The following CHRNA1 variants were observed in gnomAD, a reference collection of about 807,000 sequenced individuals.
CHRNA1 encodes the protein acetylcholine receptor subunit alpha.
Under a neutral mutation model 47.1 loss-of-function variants are expected in CHRNA1, and 35 were observed. The observed-to-expected ratio is 0.74, with a 90% CI of 0.57 to 0.99. The LOEUF (loss-of-function observed/expected upper bound fraction) is 0.99, where lower values mean the gene tolerates loss of function less well. Ranked by LOEUF, CHRNA1 falls within the 50% of genes least tolerant of loss-of-function variation. The pLI, the probability that CHRNA1 is intolerant of heterozygous loss-of-function variation, is 0.00. For synonymous variants in CHRNA1, 229 were observed against 223.6 expected, an observed-to-expected ratio of 1.02 and a Z score of -0.22; for missense variants, 506 against 591.1, an observed-to-expected ratio of 0.86 and a Z score of 1.49.
intron 6 of CHRNA1, chr2:174,752,828 TC>T (rs1683884315): frequency 6.5e-6 from 1 of 153,390 alleles, no homozygotes; most frequent in Non-Finnish European, 1.5e-5. Context: ...GTAGCATCTT[TC>T]TTTTTTTCAA....
Position 174,757,646 on chromosome 2 carries a change from A to C in CHRNA1, c.264T>G (p.Asn88Lys). 1.2e-6 allele frequency: 2 copies of C among 1,614,160 alleles called. No homozygotes were observed. Among genetic ancestry groups the C allele is most frequent in the Non-Finnish European group, 1.7e-6 (2 of 1,180,008 alleles). ...TTTTCACACCGCCATAGTCATCTGG[A>C]TTCCATTTTAGGTTGTAATCCACCC... ...QQWVDYNLKW[N>K]PDDYGGVKKI... The change falls in exon 4 of 9, where the codon AAT (asparagine) becomes AAG (lysine). Residue 88 changes from asparagine to lysine, a missense_variant. Physicochemically the swap from Asn to Lys is moderately conservative, Grantham distance 94. Coordinates refer to ENST00000348749, the MANE Select transcript of CHRNA1 (RefSeq NM_000079.4).
At chr2:174,758,747 C>T (rs1318140992) in intron 3 of CHRNA1, among the ~76,000 whole-genome samples, 2 of 152,060 alleles carry the variant, frequency 1.3e-5, no homozygotes, top group Admixed American at 1.3e-4. Context: ...CGCTAACTCC[C>T]AGTATTTCAG....
Position 174,764,418 on chromosome 2 carries a change from C to G in CHRNA1, c.-24G>C, listed in dbSNP as rs772870911. 1.2e-6 allele frequency: 2 copies of G among 1,610,022 alleles called. No homozygotes were observed. Among genetic ancestry groups the G allele is most frequent in the Non-Finnish European group, 1.7e-6 (2 of 1,178,048 alleles). On this transcript the variant is annotated 5_prime_UTR_variant, in exon 1 of 9. Transcript: ENST00000348749. ...ATGGGCTACCGGAGCTTGTGTGGACCAGGGCAGAGTGGTGGCCTGTGCTTC... is the reference window on the plus strand; with the variant it reads ...ATGGGCTACCGGAGCTTGTGTGGACGAGGGCAGAGTGGTGGCCTGTGCTTC...
intron 1 of CHRNA1, among the ~76,000 whole-genome samples, chr2:174,763,095 G>C (rs1400587833): frequency 1.3e-5 from 2 of 152,126 alleles, no homozygotes; most frequent in African/African-American, 4.8e-5. Context: ...GAGGATGTTG[G>C]ACTGCCTGAT....
chr2:174,764,452 A>C lies in CHRNA1; in HGVS notation c.-58T>G, dbSNP rs1684154611. The C allele has an allele frequency of 5.7e-6, 9 of 1,567,656 alleles. No homozygotes were observed. The South Asian group carries it at 1.0e-4, about 18-fold the overall frequency. ...GTGGTGGCCTGTGCTTCTCACTGGC[A>C]CTCTGGCTGGGTGCTTGTCTGCTGG... On this transcript the variant is annotated 5_prime_UTR_variant, in exon 1 of 9. Transcript: ENST00000348749.
intron 3 of CHRNA1, 105 bp from the exon 4 acceptor site, chr2:174,757,780 T>G: frequency 8.9e-7 from 1 of 1,124,404 alleles, no homozygotes; most frequent in Non-Finnish European, 1.3e-6. Flanking sequence ...TGACAGAAAT[T>G]GTGCTTCCAT....
chr2:174,759,722 A>T (rs1480292209), intron 1 of CHRNA1, 89 bp from the exon 2 acceptor site: 51 of 1,504,086 alleles, frequency 3.4e-5, no homozygotes, highest in Non-Finnish European at 4.0e-5. Context: ...CTGAGGCATA[A>T]GCCTCAGTTC....
chr2:174,753,419 G>A (rs544771332), intron 6 of CHRNA1, 84 bp downstream of exon 6: 3 of 1,313,592 alleles, frequency 2.3e-6, no homozygotes, highest in South Asian at 2.3e-5. Context: ...CTGTTTGTTA[G>A]CACATGATTA....
intron 1 of CHRNA1, among the ~76,000 whole-genome samples, chr2:174,763,848 A>T (rs1411484170): frequency 1.3e-5 from 2 of 151,702 alleles, no homozygotes; most frequent in African/African-American, 4.8e-5. Flanking sequence ...GAGAGAGTTT[A>T]GTTATGATTA....
Position 174,753,534 on chromosome 2 carries a change from A to G in CHRNA1, c.747T>C (p.Thr249=), listed in dbSNP as rs1323170002. The G allele has an allele frequency of 6.2e-7, 1 of 1,614,086 alleles. No homozygotes were observed. Among genetic ancestry groups the G allele is most frequent in the African/African-American group, 1.3e-5 (1 of 74,938 alleles). ...CTGTGGGCAGGTAGAATACCAGGCCAGTTAAGAAGGAGAAGAGCAGGCAGG... is the reference window on the plus strand; with the variant it reads ...CTGTGGGCAGGTAGAATACCAGGCCGGTTAAGAAGGAGAAGAGCAGGCAGG... ...IIPCLLFSFL[T]GLVFYLPTDS... Residue 249 remains threonine (T), a synonymous_variant, in exon 6 of 9, where the codon ACT becomes ACC. Transcript: ENST00000348749.
intron 4 of CHRNA1, among the ~76,000 whole-genome samples, chr2:174,755,592 G>A (rs1683965723): frequency 6.6e-6 from 1 of 151,844 alleles, no homozygotes; most frequent in African/African-American, 2.4e-5. Context: ...CTAATTTTTT[G>A]TATTTTTAGT....
In CHRNA1 at chr2:174,748,801, G is replaced by A. The variant is rs2105344415; in HGVS notation, c.1021C>T (p.Pro341Ser). The A allele has an allele frequency of 2.0e-5, 32 of 1,613,978 alleles. No homozygotes were observed. The highest frequency in any genetic ancestry group is 2.2e-5 in the Non-Finnish European group (26 of 1,180,006). Residue 341 changes from proline (P) to serine (S), a missense_variant, in exon 8 of 9, where the codon CCA becomes TCA. Transcript: ENST00000348749. ...WVRKVFIDTI[P>S]NIMFFSTMKR... is the part of the protein sequence containing the mutation. ...ATTGTGGAGAAAAACATGATATTTG[G>A]GATAGTGTCGATAAAAACCTAACAT...
At chr2:174,756,687 C>T (rs548667054) in intron 4 of CHRNA1, among the ~76,000 whole-genome samples, 1 of 152,258 alleles carries the variant, frequency 6.6e-6, no homozygotes, top group South Asian at 2.1e-4. Flanking sequence ...CAAGCTTGAA[C>T]CCCAGGTATA....
intron 4 of CHRNA1, among the ~76,000 whole-genome samples, chr2:174,756,740 G>A (rs1015809208): frequency 1.3e-5 from 2 of 152,136 alleles, no homozygotes; most frequent in East Asian, 1.9e-4. Flanking sequence ...GAAAAGGCCC[G>A]CCTTAAAAGG....
In CHRNA1 at chr2:174,753,605, C is replaced by T. The variant is rs200102479; in HGVS notation, c.676G>A (p.Val226Ile). 111 of 1,614,078 alleles carry T rather than the reference C, an allele frequency of 6.9e-5. No homozygotes were observed. In the East Asian group the frequency reaches 8.9e-4, roughly 13 times the overall value. The change falls in exon 6 of 9, where the codon GTC becomes ATC. Residue 226 changes from valine to isoleucine, a missense_variant. Coordinates refer to ENST00000348749, the MANE Select transcript of CHRNA1 (RefSeq NM_000079.4). ...TPYLDITYHF[V>I]MQRLPLYFIV... ...AAGTAGAGGGGCAGGCGCTGCATGA[C>T]GAAGTGGTAGGTGATGTCCAGGTAG...
intron 4 of CHRNA1, among the ~76,000 whole-genome samples, chr2:174,755,698 G>A (rs914924766): frequency 1.3e-5 from 2 of 152,168 alleles, no homozygotes; most frequent in South Asian, 4.1e-4. Context: ...GATTACAGGC[G>A]TGAGCATTGC....
intron 1 of CHRNA1, among the ~76,000 whole-genome samples, chr2:174,760,398 G>A (rs2105352909): frequency 6.6e-6 from 1 of 152,296 alleles, no homozygotes; most frequent in South Asian, 2.1e-4. Context: ...ACTGACACAT[G>A]GTACAACATG....
chr2:174,757,649 C>G lies in CHRNA1; in HGVS notation c.261G>C (p.Trp87Cys), dbSNP rs768240064. Reference sequence around the variant, plus strand: ...TCACACCGCCATAGTCATCTGGATTCCATTTTAGGTTGTAATCCACCCATT... The same window carrying G: ...TCACACCGCCATAGTCATCTGGATTGCATTTTAGGTTGTAATCCACCCATT... ...KQQWVDYNLK[W>C]NPDDYGGVKK... Residue 87 changes from tryptophan (W) to cysteine (C), a missense_variant, in exon 4 of 9, where the codon TGG becomes TGC. Coordinates refer to ENST00000348749, the MANE Select transcript of CHRNA1 (RefSeq NM_000079.4). 1 of 1,614,042 alleles carries G rather than the reference C, an allele frequency of 6.2e-7. No homozygotes were observed. Among genetic ancestry groups the G allele is most frequent in the Non-Finnish European group, 8.5e-7 (1 of 1,179,936 alleles).
chr2:174,747,942 A>G lies in CHRNA1; in HGVS notation c.*182T>C. On this transcript the variant is annotated 3_prime_UTR_variant, in exon 9 of 9. Coordinates refer to ENST00000348749, the MANE Select transcript of CHRNA1 (RefSeq NM_000079.4). ...AGGGAGACAGCAGAACTAAAGGGAG[A>G]AGCAATATGAAAACACTTCAAGGCC... 1 of 715,930 alleles carries G rather than the reference A, an allele frequency of 1.4e-6. No homozygotes were observed. The highest frequency in any genetic ancestry group is 2.4e-6 in the Non-Finnish European group (1 of 424,886). 44.3% of individuals were successfully genotyped at this position (715,930 alleles called of 1,614,324 possible). A position where few individuals can be genotyped will look rare whatever the true frequency, so the allele number is the denominator to read the frequency against.
Sources: allele counts gnomAD v4.1 joint callset (sites outside exome capture counted in the v4.1 genomes callset), GRCh38; gene constraint gnomAD v4.1.1; transcripts MANE v1.5; gene names NCBI Gene and HGNC (gene_info 2026-07-23, HGNC 2026-07-21).